Variants in NKAIN2 observed in about 807,000 individuals in gnomAD.
NKAIN2 encodes the protein sodium/potassium transporting ATPase interacting 2, also known as sodium/potassium-transporting ATPase subunit beta-1-interacting protein 2.
NKAIN2 carries 14 observed loss-of-function variants against 32.6 expected under a neutral mutation model. The observed-to-expected ratio is 0.43, with a 90% CI of 0.28 to 0.67. The LOEUF (loss-of-function observed/expected upper bound fraction) is 0.67, where lower values mean the gene tolerates loss of function less well. Among genes scored for constraint, NKAIN2 ranks in the 30% least tolerant of loss-of-function variants. The probability of loss-of-function intolerance (pLI) is 0.17; values close to 1 mark genes in which losing one functional copy is unlikely to be tolerated. For synonymous variants in NKAIN2, 80 were observed against 87.2 expected (o/e 0.92, Z 0.46); for missense variants, 198 against 258.3 (o/e 0.77, Z 1.60).
intron 1 of NKAIN2, among the ~76,000 whole-genome samples, chr6:124,238,113 A>C (rs1792874329): frequency 6.6e-6 from 1 of 152,084 alleles, no homozygotes; most frequent in African/African-American, 2.4e-5. Context: ...TTGGGAGTTC[A>C]GCACCACCTC....
At chr6:124,362,124 A>G (rs1373691363) in intron 3 of NKAIN2, among the ~76,000 whole-genome samples, 1 of 152,122 alleles carries the variant, frequency 6.6e-6, no homozygotes, top group East Asian at 1.9e-4. Context: ...GATTTAAGAC[A>G]AAATTTAACA....
At chr6:124,110,082 T>C (rs780759687) in intron 1 of NKAIN2, among the ~76,000 whole-genome samples, 29 of 152,086 alleles carry the variant, frequency 1.9e-4, no homozygotes, top group Non-Finnish European at 3.8e-4. Context: ...TGCCTGGCTT[T>C]GATATCAGGA....
intron 1 of NKAIN2, among the ~76,000 whole-genome samples, chr6:123,981,733 G>GAC (rs1357116945): frequency 1.3e-5 from 2 of 152,148 alleles, no homozygotes; most frequent in Admixed American, 6.5e-5. Flanking sequence ...ATAAGACACT[G>GAC]AGTGTTGAGA....
At chr6:123,925,633 T>G (rs1452818825) in intron 1 of NKAIN2, among the ~76,000 whole-genome samples, 1 of 152,156 alleles carries the variant, frequency 6.6e-6, no homozygotes, top group Non-Finnish European at 1.5e-5. Flanking sequence ...GTATGTTGCT[T>G]TGGTTAGGTC....
intron 4 of NKAIN2, among the ~76,000 whole-genome samples, chr6:124,724,739 G>T (rs1562346518): frequency 6.6e-6 from 1 of 152,178 alleles, no homozygotes; most frequent in Non-Finnish European, 1.5e-5. Context: ...TCAGTCTTTA[G>T]CACAGTTTAT....
chr6:124,516,768 A>AT (rs1778931277), intron 3 of NKAIN2, among the ~76,000 whole-genome samples: 1 of 152,010 alleles, frequency 6.6e-6, no homozygotes, highest in Non-Finnish European at 1.5e-5. Context: ...CCAAATACTC[A>AT]TTTTCTCTGC....
At chr6:124,168,938 A>G (rs935883632) in intron 1 of NKAIN2, among the ~76,000 whole-genome samples, 1 of 152,132 alleles carries the variant, frequency 6.6e-6, no homozygotes, top group Non-Finnish European at 1.5e-5. Context: ...TTGGAGGCCC[A>G]TGGTTCTTTG....
intron 2 of NKAIN2, among the ~76,000 whole-genome samples, chr6:124,314,654 G>T (rs1388487713): frequency 6.6e-6 from 1 of 152,132 alleles, no homozygotes; most frequent in African/African-American, 2.4e-5. Context: ...TTATCAGCCA[G>T]TCAGTAGCTG....
At chr6:124,077,600 A>C (rs1783752384) in intron 1 of NKAIN2, among the ~76,000 whole-genome samples, 1 of 152,050 alleles carries the variant, frequency 6.6e-6, no homozygotes, top group Non-Finnish European at 1.5e-5. Flanking sequence ...CTCACTGGCA[A>C]TGTGAATTGC....
intron 4 of NKAIN2, among the ~76,000 whole-genome samples, chr6:124,716,334 T>C (rs527408816): frequency 5.3e-5 from 8 of 152,304 alleles, no homozygotes; most frequent in African/African-American, 1.9e-4. Context: ...GGAACACCCA[T>C]GGAATCTGAA....
chr6:123,911,996 A>G (rs1051437894), intron 1 of NKAIN2, among the ~76,000 whole-genome samples: 2 of 151,486 alleles, frequency 1.3e-5, no homozygotes, highest in Non-Finnish European at 2.9e-5. Context: ...GATAAATTAG[A>G]TAAGTCTAAC....
Position 124,596,663 on chromosome 6 carries a change from GGTGTGTGT to G in NKAIN2, c.274-61492_274-61485del, listed in dbSNP as rs9321001. ...GAGAAACAGAACAAATAAACCATAG[GGTGTGTGT>G]GTGTGTGTGTGTGTGTGTGTGTGTG... On this transcript the variant is annotated intron_variant, in intron 3 of 6. Coordinates refer to ENST00000368417, the MANE Select transcript of NKAIN2 (RefSeq NM_001040214.3). Among the ~76,000 whole-genome samples the G allele has an allele frequency of 7.2e-3, 1,024 of 142,588 alleles. 9 individuals carry two copies. Among genetic ancestry groups the G allele is most frequent in the Middle Eastern group, 0.014 (4 of 286 alleles). 93.5% of individuals were successfully genotyped at this position (142,588 alleles called of 152,430 possible).
intron 1 of NKAIN2, among the ~76,000 whole-genome samples, chr6:124,026,256 C>T (rs1420750343): frequency 1.3e-5 from 2 of 152,270 alleles, no homozygotes; most frequent in South Asian, 2.1e-4. Flanking sequence ...TCTTTTGTTA[C>T]AGGACTTTCA....
chr6:124,554,352 A>C (rs1780398291), intron 3 of NKAIN2, among the ~76,000 whole-genome samples: 1 of 152,202 alleles, frequency 6.6e-6, no homozygotes, highest in African/African-American at 2.4e-5. Flanking sequence ...TTTAAGCCAA[A>C]ACCTTTTCTA....
chr6:124,506,524 T>TAC (rs1365752600), intron 3 of NKAIN2, among the ~76,000 whole-genome samples: 1 of 152,202 alleles, frequency 6.6e-6, no homozygotes, highest in Admixed American at 6.5e-5. Context: ...GAGGTTTTCA[T>TAC]ACCTTCCTCC....
At chr6:124,589,988 T>G (rs1434553176) in intron 3 of NKAIN2, among the ~76,000 whole-genome samples, 2 of 152,206 alleles carry the variant, frequency 1.3e-5, no homozygotes, top group Non-Finnish European at 2.9e-5. Flanking sequence ...AAAATTCTTT[T>G]GCTGTTGGGT....
chr6:124,098,306 A>C (rs76822169), intron 1 of NKAIN2, among the ~76,000 whole-genome samples: 4,388 of 152,252 alleles, frequency 0.029, 202 homozygotes, highest in African/African-American at 0.097. Flanking sequence ...CTCTTTGAGG[A>C]CAGGGATCAT....
At chr6:124,552,908 A>C (rs1483497390) in intron 3 of NKAIN2, among the ~76,000 whole-genome samples, 1 of 152,212 alleles carries the variant, frequency 6.6e-6, no homozygotes, top group Non-Finnish European at 1.5e-5. Context: ...AAACACTTTT[A>C]TTTTTTGTTG....
intron 3 of NKAIN2, among the ~76,000 whole-genome samples, chr6:124,533,068 T>G (rs1195472749): frequency 1.3e-5 from 2 of 152,056 alleles, no homozygotes; most frequent in South Asian, 2.1e-4. Context: ...TTCTAGGTTG[T>G]TTGTTGTGTA....
Sources: allele counts gnomAD v4.1 joint callset (sites outside exome capture counted in the v4.1 genomes callset), GRCh38; gene constraint gnomAD v4.1.1; transcripts MANE v1.5; gene names NCBI Gene and HGNC (gene_info 2026-07-23, HGNC 2026-07-21).